Variants in EFCAB6 observed in about 807,000 individuals in gnomAD.
EFCAB6 encodes the protein EF-hand calcium binding domain 6.
Under a neutral mutation model 169.8 loss-of-function variants are expected in EFCAB6, and 156 were observed. The observed-to-expected ratio is 0.92, with a 90% confidence interval of 0.81 to 1.05. The LOEUF is 1.05. Among genes scored for constraint, EFCAB6 ranks in the 50% least tolerant of loss-of-function variants. The pLI, the probability that EFCAB6 is intolerant of heterozygous loss-of-function variation, is 0.00. For missense variants in EFCAB6, 1,800 were observed against 1,829.1 expected, an observed-to-expected ratio of 0.98 and a Z score of 0.29; for synonymous variants, 698 against 676.4, an observed-to-expected ratio of 1.03 and a Z score of -0.50.
chr22:43,649,113 A>G (rs141914852), intron 17 of EFCAB6, among the ~76,000 whole-genome samples: 105 of 152,340 alleles, frequency 6.9e-4, no homozygotes, highest in African/African-American at 2.4e-3. Context: ...CGAGGGGGAA[A>G]AAAGTCCCCG....
chr22:43,671,349 G>A (rs2057484628), intron 15 of EFCAB6, among the ~76,000 whole-genome samples: 1 of 152,102 alleles, frequency 6.6e-6, no homozygotes. Context: ...TTACAAGCAG[G>A]TGCCACCATG....
At chr22:43,592,830 C>T (rs914593025) in intron 23 of EFCAB6, among the ~76,000 whole-genome samples, 9 of 152,164 alleles carry the variant, frequency 5.9e-5, no homozygotes, top group Non-Finnish European at 8.8e-5. Flanking sequence ...TTTACTGTTG[C>T]TATTCTGATT....
At chr22:43,608,342 G>A (rs1450716668) in intron 22 of EFCAB6, 140 bp downstream of exon 22, 3 of 697,216 alleles carry the variant, frequency 4.3e-6, no homozygotes, top group Non-Finnish European at 7.3e-6. Context: ...GAAAGACACA[G>A]GAGATGAGAC....
intron 10 of EFCAB6, among the ~76,000 whole-genome samples, chr22:43,688,178 G>C (rs2058273246): frequency 6.6e-6 from 1 of 152,174 alleles, no homozygotes; most frequent in Non-Finnish European, 1.5e-5. Flanking sequence ...AAGGGGCTGT[G>C]AACCAACAAA....
intron 10 of EFCAB6, among the ~76,000 whole-genome samples, chr22:43,693,651 A>C (rs2058481749): frequency 1.3e-5 from 2 of 151,810 alleles, no homozygotes; most frequent in Admixed American, 1.3e-4. Context: ...AAAAGGTACC[A>C]TACTAATGAA....
chr22:43,656,771 C>G (rs2056765822), intron 17 of EFCAB6, among the ~76,000 whole-genome samples: 1 of 133,512 alleles, frequency 7.5e-6, no homozygotes, highest in African/African-American at 2.5e-5. Context: ...GCTATAGCAC[C>G]TAGGTTTGTT....
chr22:43,599,394 C>T (rs1024771893), intron 23 of EFCAB6, among the ~76,000 whole-genome samples: 1 of 151,572 alleles, frequency 6.6e-6, no homozygotes, highest in South Asian at 2.1e-4. Flanking sequence ...CCTGTAATCC[C>T]AGCTACTCAG....
chr22:43,600,406 G>T, intron 22 of EFCAB6, 143 bp from the exon 23 acceptor site: 1 of 831,004 alleles, frequency 1.2e-6, no homozygotes, highest in African/African-American at 1.7e-5. Flanking sequence ...GTGGGCCAGC[G>T]GAATCAGCCC....
intron 21 of EFCAB6, among the ~76,000 whole-genome samples, chr22:43,612,071 C>T (rs530478869): frequency 1.9e-4 from 29 of 152,174 alleles, no homozygotes; most frequent in Non-Finnish European, 3.2e-4. Context: ...AAGGATTCCC[C>T]TATTCAATAA....
intron 27 of EFCAB6, among the ~76,000 whole-genome samples, chr22:43,545,403 C>T (rs1294725450): frequency 1.3e-5 from 2 of 152,124 alleles, no homozygotes; most frequent in African/African-American, 2.4e-5. Flanking sequence ...CACAAAACAC[C>T]CAGTTGATGG....
rs891748378 is a variant in EFCAB6 at position 43,714,935 on chromosome 22, A to C, written c.882+1913T>G. On this transcript the variant is annotated intron_variant, in intron 9 of 31. Coordinates refer to ENST00000262726, the MANE Select transcript of EFCAB6 (RefSeq NM_022785.4). ...AAATATAAAACAAAGTCAAAACAAC[A>C]GGGGGAATTATGGCAACTGAACAGA... is the stretch of plus-strand genomic sequence containing the variant. Among the ~76,000 whole-genome samples the C allele has an allele frequency of 2.6e-5, 4 of 152,324 alleles. No homozygotes were observed. In the South Asian group the frequency reaches 8.3e-4, roughly 32 times the overall value.
intron 6 of EFCAB6, among the ~76,000 whole-genome samples, chr22:43,736,547 A>G (rs536145294): frequency 6.6e-6 from 1 of 152,018 alleles, no homozygotes; most frequent in South Asian, 2.1e-4. Flanking sequence ...TGCAGGGAGC[A>G]CCCAGGATAT....
At chr22:43,617,167 G>T (rs554117745) in intron 20 of EFCAB6, among the ~76,000 whole-genome samples, 11 of 152,322 alleles carry the variant, frequency 7.2e-5, no homozygotes, top group African/African-American at 2.6e-4. Context: ...ATGACTACTT[G>T]ACCATGCAAG....
At chr22:43,659,052 A>C (rs938484496) in intron 17 of EFCAB6, among the ~76,000 whole-genome samples, 4 of 152,216 alleles carry the variant, frequency 2.6e-5, no homozygotes, top group African/African-American at 9.6e-5. Flanking sequence ...TGCCGACAGC[A>C]GTCAAAACAC....
intron 22 of EFCAB6, 95 bp from the exon 23 acceptor site, chr22:43,600,358 A>C (rs999820336): frequency 7.8e-7 from 1 of 1,276,038 alleles, no homozygotes; most frequent in African/African-American, 1.5e-5. Context: ...ATCCATGAGG[A>C]GCTCGTCTTC....
intron 26 of EFCAB6, among the ~76,000 whole-genome samples, chr22:43,559,665 C>T (rs137164): frequency 0.74 from 113,006 of 152,220 alleles, 42,100 homozygotes; most frequent in Admixed American, 0.8. Flanking sequence ...ATACACACCA[C>T]GGAATACTAT....
intron 17 of EFCAB6, among the ~76,000 whole-genome samples, chr22:43,662,183 TAATAA>T (rs1231377041): frequency 1.4e-5 from 2 of 147,496 alleles, no homozygotes; most frequent in African/African-American, 4.9e-5. Flanking sequence ...ATAATAATAA[TAATAA>T]TAATAATAAT....
intron 7 of EFCAB6, among the ~76,000 whole-genome samples, chr22:43,735,446 A>G (rs954326848): frequency 2.6e-5 from 4 of 151,114 alleles, no homozygotes; most frequent in African/African-American, 9.7e-5. Context: ...CACAGCAACA[A>G]CACGTGAATC....
intron 17 of EFCAB6, among the ~76,000 whole-genome samples, chr22:43,640,491 G>C (rs1225084118): frequency 6.6e-6 from 1 of 152,134 alleles, no homozygotes; most frequent in Non-Finnish European, 1.5e-5. Context: ...GATTGAGGAA[G>C]AATCTATACA....
Sources: gnomAD v4.1 joint callset for allele counts (sites outside exome capture counted in the v4.1 genomes callset) on GRCh38, gnomAD v4.1.1 for gene constraint, MANE v1.5 for transcripts, NCBI Gene and HGNC (gene_info 2026-07-23, HGNC 2026-07-21) for gene names.